PDE10A: variants seen among roughly 807,000 people sequenced by gnomAD.
PDE10A encodes cAMP and cAMP-inhibited cGMP 3',5'-cyclic phosphodiesterase 10A.
PDE10A carries 39 observed loss-of-function variants against 97.7 expected under a neutral mutation model. The observed-to-expected ratio is 0.40, with a 90% CI of 0.31 to 0.52. PDE10A has a LOEUF of 0.52. PDE10A is among the 20% of genes least tolerant of loss of function. The pLI is 0.56. For missense variants in PDE10A, 731 were observed against 1,047.8 expected, an observed-to-expected ratio of 0.70 and a Z score of 4.17; for synonymous variants, 371 against 376.8, an observed-to-expected ratio of 0.98 and a Z score of 0.18.
chr6:165,983,601 C>G (rs1785086219), intron 1 of PDE10A, among the ~76,000 whole-genome samples: 1 of 152,240 alleles, frequency 6.6e-6, no homozygotes, highest in Admixed American at 6.5e-5. Context: ...GCCTTCATTT[C>G]ATACATGCTA....
intron 1 of PDE10A, among the ~76,000 whole-genome samples, chr6:165,558,804 C>T (rs1187548318): frequency 6.6e-6 from 1 of 152,050 alleles, no homozygotes; most frequent in Non-Finnish European, 1.5e-5. Context: ...GATAAGCATG[C>T]TGCAAAGTCG....
chr6:165,470,601 C>A (rs1028800757), intron 3 of PDE10A, among the ~76,000 whole-genome samples: 1 of 152,164 alleles, frequency 6.6e-6, no homozygotes, highest in Non-Finnish European at 1.5e-5. Flanking sequence ...AAATTGTTTT[C>A]TTTCTAGTTC....
At chr6:165,811,674 T>G (rs1304107319) in intron 1 of PDE10A, among the ~76,000 whole-genome samples, 1 of 152,170 alleles carries the variant, frequency 6.6e-6, no homozygotes, top group Non-Finnish European at 1.5e-5. Context: ...CAACCGGCTC[T>G]GCTTAGCTCC....
intron 18 of PDE10A, among the ~76,000 whole-genome samples, chr6:165,362,014 A>G (rs938797974): frequency 5.9e-5 from 9 of 152,226 alleles, no homozygotes; most frequent in African/African-American, 2.2e-4. Context: ...AAGACACAAT[A>G]TATCAAAGCT....
chr6:165,966,706 C>T (rs1784522459), intron 1 of PDE10A, among the ~76,000 whole-genome samples: 1 of 152,196 alleles, frequency 6.6e-6, no homozygotes, highest in African/African-American at 2.4e-5. Context: ...AATAAACAAG[C>T]ATTGTCCCTG....
At chr6:165,461,984 G>C (rs1381899268) in intron 3 of PDE10A, among the ~76,000 whole-genome samples, 3 of 152,226 alleles carry the variant, frequency 2.0e-5, no homozygotes, top group Admixed American at 2.0e-4. Context: ...TTATGTACAT[G>C]TATGTGTGGA....
At chr6:165,975,959 T>C (rs1457341563) in intron 1 of PDE10A, among the ~76,000 whole-genome samples, 1 of 152,250 alleles carries the variant, frequency 6.6e-6, no homozygotes, top group Non-Finnish European at 1.5e-5. Flanking sequence ...GTTGTAATTC[T>C]TTTGCATTGT....
chr6:165,943,328 A>AAAAG lies in PDE10A; in HGVS notation c.-615+44200_-615+44201insCTTT, dbSNP rs1562810121. ...GAAAGAAGGAAGGAAGGAAAGAAAGAAAAAGAAAGAAAGAAAAGAGAAAGA... is the reference window on the plus strand; with the variant it reads ...GAAAGAAGGAAGGAAGGAAAGAAAGAAAAGAAAAGAAAGAAAGAAAAGAGAAAGA... On this transcript the variant is annotated intron_variant, in intron 1 of 19. Transcript: ENST00000366882. 2.6e-3 allele frequency among the ~76,000 whole-genome samples: 206 copies of AAAAG among 79,280 alleles called. 20 individuals carry two copies. Among genetic ancestry groups the AAAAG allele is most frequent in the African/African-American group, 9.5e-3 (147 of 15,426 alleles). The allele number at this position is 79,280 out of a possible 152,430, so 52.0% of individuals were successfully genotyped here.
chr6:165,700,452 G>A (rs915009998), intron 1 of PDE10A, among the ~76,000 whole-genome samples: 2 of 152,158 alleles, frequency 1.3e-5, no homozygotes, highest in African/African-American at 2.4e-5. Context: ...TCACACAGGC[G>A]AATTACATGG....
At chr6:165,580,805 G>A (rs1038474513) in intron 1 of PDE10A, among the ~76,000 whole-genome samples, 1 of 152,014 alleles carries the variant, frequency 6.6e-6, no homozygotes. Context: ...CACCCAATGA[G>A]AAAGAAGACG....
intron 1 of PDE10A, among the ~76,000 whole-genome samples, chr6:165,753,615 T>C (rs1793054707): frequency 1.3e-5 from 2 of 152,260 alleles, no homozygotes; most frequent in African/African-American, 2.4e-5. Flanking sequence ...TTAGGGTTTT[T>C]TTTCCCACCA....
chr6:165,929,817 G>T (rs970911194), intron 1 of PDE10A, among the ~76,000 whole-genome samples: 2 of 152,238 alleles, frequency 1.3e-5, no homozygotes, highest in African/African-American at 4.8e-5. Context: ...ACCCAGGTGG[G>T]AAGAGTGTGC....
At chr6:165,621,106 C>A (rs1224369696) in intron 1 of PDE10A, among the ~76,000 whole-genome samples, 1 of 151,332 alleles carries the variant, frequency 6.6e-6, no homozygotes, top group Non-Finnish European at 1.5e-5. Flanking sequence ...TCTAATTCTA[C>A]ATGTATTGTC....
chr6:165,954,343 A>G (rs1784063736), intron 1 of PDE10A, among the ~76,000 whole-genome samples: 1 of 152,218 alleles, frequency 6.6e-6, no homozygotes, highest in South Asian at 2.1e-4. Context: ...AAGTTGTCAG[A>G]CCTGAATATA....
In PDE10A at chr6:165,896,702, T is replaced by C. The variant is rs542457425; in HGVS notation, c.-615+90827A>G. On this transcript the variant is annotated intron_variant, in intron 1 of 19. Coordinates refer to the PDE10A transcript ENST00000366882. The stretch of plus-strand genomic sequence containing the variant: ...ACCATGCCCTGCTAATTTTTTGTAT[T>C]TTTAGTAGAGATGGGGTTTCACCGT... 9.2e-5 allele frequency among the ~76,000 whole-genome samples: 14 copies of C among 152,042 alleles called. No individual in the cohort carries two copies. The South Asian group carries it at 2.9e-3, about 32-fold the overall frequency.
At chr6:165,629,103 G>A (rs1019881110) in intron 1 of PDE10A, among the ~76,000 whole-genome samples, 3 of 152,030 alleles carry the variant, frequency 2.0e-5, no homozygotes, top group Non-Finnish European at 2.9e-5. Flanking sequence ...AGGATATAAT[G>A]ACTAAGAGTT....
intron 1 of PDE10A, among the ~76,000 whole-genome samples, chr6:165,604,914 A>G (rs529551295): frequency 2.6e-5 from 4 of 152,362 alleles, no homozygotes; most frequent in African/African-American, 7.2e-5. Flanking sequence ...TAATTCCTAC[A>G]CAGAAAACTT....
chr6:165,647,954 C>T (rs1220344184), intron 1 of PDE10A, among the ~76,000 whole-genome samples: 2 of 152,226 alleles, frequency 1.3e-5, no homozygotes, highest in East Asian at 1.9e-4. Flanking sequence ...ATTAAGCACT[C>T]TAGGTTACAG....
chr6:165,756,999 G>A (rs979279477), intron 1 of PDE10A, among the ~76,000 whole-genome samples: 6 of 145,098 alleles, frequency 4.1e-5, no homozygotes, highest in Non-Finnish European at 6.0e-5. Flanking sequence ...GCGGAGTCTC[G>A]CTCTGTTGCC....
Sources: gnomAD v4.1 joint callset for allele counts (sites outside exome capture counted in the v4.1 genomes callset) on GRCh38, gnomAD v4.1.1 for gene constraint, MANE v1.5 for transcripts, NCBI Gene and HGNC (gene_info 2026-07-23, HGNC 2026-07-21) for gene names.